The following CNTLN variants were observed in gnomAD, a reference collection of about 807,000 sequenced individuals.
CNTLN encodes centlein, centrosomal protein.
A neutral mutation model predicts 180.0 loss-of-function variants in CNTLN; 212 were observed. The observed-to-expected ratio is 1.18, with a 90% CI of 1.05 to 1.32. The LOEUF is 1.32. CNTLN is among the 40% of genes most tolerant of loss of function. CNTLN has a pLI of 0.00. For synonymous variants in CNTLN, 722 were observed against 563.1 expected (o/e 1.28, Z -3.99); for missense variants, 2,095 against 1,610.9 (o/e 1.30, Z -5.14).
intron 2 of CNTLN, among the ~76,000 whole-genome samples, chr9:17,174,171 T>G (rs1013124178): frequency 2.0e-5 from 3 of 152,188 alleles, no homozygotes; most frequent in African/African-American, 4.8e-5. Flanking sequence ...ATATCAGTAG[T>G]TCATTTATTT....
At chr9:17,249,289 C>G (rs1825985747) in intron 5 of CNTLN, among the ~76,000 whole-genome samples, 1 of 150,350 alleles carries the variant, frequency 6.7e-6, no homozygotes, top group South Asian at 2.1e-4. Context: ...AAATTCATCT[C>G]TAAATATTTT....
intron 2 of CNTLN, among the ~76,000 whole-genome samples, chr9:17,187,689 T>C (rs1039746048): frequency 3.3e-5 from 5 of 151,764 alleles, no homozygotes; most frequent in African/African-American, 1.2e-4. Context: ...TTTCACTTTA[T>C]GAATTTAACA....
At chr9:17,171,613 C>T (rs938107235) in intron 2 of CNTLN, among the ~76,000 whole-genome samples, 3 of 152,072 alleles carry the variant, frequency 2.0e-5, no homozygotes, top group Non-Finnish European at 2.9e-5. Context: ...CTGGGTCTAG[C>T]TTAGCACAGT....
rs767463842 is a variant in CNTLN, at chr9:17,340,961, G to A, written c.1766+13G>A. On this transcript the variant is annotated intron_variant, in intron 11 of 25. Coordinates refer to ENST00000380647, the MANE Select transcript of CNTLN (RefSeq NM_017738.4). ...AAGGCAGTGGCATGTGAGTTACATA[G>A]CTCATAAAGGCATTTCCCTAAATAT... 31 of 1,593,586 alleles carry A rather than the reference G, an allele frequency of 1.9e-5. No individual in the cohort carries two copies. The highest frequency in any genetic ancestry group is 2.6e-5 in the Non-Finnish European group (30 of 1,171,182).
chr9:17,393,661 T>C (rs1474218317), intron 14 of CNTLN, among the ~76,000 whole-genome samples: 1 of 152,194 alleles, frequency 6.6e-6, no homozygotes, highest in East Asian at 1.9e-4. Flanking sequence ...AGAGATCATG[T>C]TGATCATGTT....
At chr9:17,515,546 C>T in the CNTLN span, among the ~76,000 whole-genome samples, 1 of 152,142 alleles carries the variant, frequency 6.6e-6, no homozygotes, top group Non-Finnish European at 1.5e-5. Context: ...ATTTGTGCTG[C>T]ATTCCTATCA....
At chr9:17,259,676 A>G (rs11531707) in intron 5 of CNTLN, among the ~76,000 whole-genome samples, 1 of 150,318 alleles carries the variant, frequency 6.7e-6, no homozygotes, top group Non-Finnish European at 1.5e-5. Flanking sequence ...CTATTCAGAG[A>G]CTCAGCTTCT....
At chr9:17,256,303 C>G (rs1826483414) in intron 5 of CNTLN, among the ~76,000 whole-genome samples, 1 of 151,912 alleles carries the variant, frequency 6.6e-6, no homozygotes, top group African/African-American at 2.4e-5. Context: ...AATGGTAGTT[C>G]TATTTTTATT....
At chr9:17,514,964 A>T in the CNTLN span, among the ~76,000 whole-genome samples, 10 of 152,222 alleles carry the variant, frequency 6.6e-5, no homozygotes, top group Non-Finnish European at 4.4e-5. Context: ...AACTAGAAGG[A>T]ACCTGGGTCC....
chr9:17,217,462 G>C (rs924040463), intron 2 of CNTLN, among the ~76,000 whole-genome samples: 1 of 152,218 alleles, frequency 6.6e-6, no homozygotes, highest in Non-Finnish European at 1.5e-5. Flanking sequence ...TGGGAATTCA[G>C]CTGGTGTTGT....
At chr9:17,362,048 A>C (rs1034306925) in intron 12 of CNTLN, among the ~76,000 whole-genome samples, 1 of 152,244 alleles carries the variant, frequency 6.6e-6, no homozygotes, top group Middle Eastern at 3.2e-3. Context: ...GTTTGACTCA[A>C]GAACAAGGTG....
At chr9:17,465,230 T>A (rs7851369) in intron 21 of CNTLN, among the ~76,000 whole-genome samples, 4,930 of 150,566 alleles carry the variant, frequency 0.033, 227 homozygotes, top group African/African-American at 0.094. Flanking sequence ...TTTACTTTCC[T>A]TGTTGAAAAT....
At chr9:17,221,722 C>G (rs1017927773) in intron 2 of CNTLN, among the ~76,000 whole-genome samples, 1 of 151,954 alleles carries the variant, frequency 6.6e-6, no homozygotes, top group Admixed American at 6.6e-5. Flanking sequence ...CTATTTTTTC[C>G]TGGCCCGCTT....
At chr9:17,207,743 G>C (rs180714988) in intron 2 of CNTLN, among the ~76,000 whole-genome samples, 24 of 152,114 alleles carry the variant, frequency 1.6e-4, no homozygotes, top group Non-Finnish European at 3.2e-4. Flanking sequence ...CACCTTCTGC[G>C]TTGGTCTCGC....
chr9:17,438,267 T>A (rs931794752), intron 18 of CNTLN, among the ~76,000 whole-genome samples: 2 of 152,036 alleles, frequency 1.3e-5, no homozygotes, highest in Non-Finnish European at 2.9e-5. Flanking sequence ...AGCAACTAGA[T>A]AAATTATTGT....
chr9:17,240,758 C>T (rs1456697253), intron 5 of CNTLN, among the ~76,000 whole-genome samples: 4 of 152,154 alleles, frequency 2.6e-5, no homozygotes, highest in Non-Finnish European at 5.9e-5. Flanking sequence ...GATATGATCC[C>T]ATGTGTACAT....
At chr9:17,268,048 T>A (rs1211945350) in intron 5 of CNTLN, among the ~76,000 whole-genome samples, 1 of 152,210 alleles carries the variant, frequency 6.6e-6, no homozygotes, top group East Asian at 1.9e-4. Context: ...GTCAAAGTCA[T>A]TCTCCATCCA....
At chr9:17,341,240 A>C (rs1821459091) in intron 11 of CNTLN, among the ~76,000 whole-genome samples, 1 of 152,216 alleles carries the variant, frequency 6.6e-6, no homozygotes, top group African/African-American at 2.4e-5. Context: ...AATTTAAAGC[A>C]AAAATGGTTA....
chr9:17,213,967 C>T (rs956823513), intron 2 of CNTLN, among the ~76,000 whole-genome samples: 1 of 152,080 alleles, frequency 6.6e-6, no homozygotes, highest in East Asian at 1.9e-4. Flanking sequence ...TGATATGGGT[C>T]TTCTGAATAC....
Sources: allele counts gnomAD v4.1 joint callset (sites outside exome capture counted in the v4.1 genomes callset), GRCh38; gene constraint gnomAD v4.1.1; transcripts MANE v1.5; gene names NCBI Gene and HGNC (gene_info 2026-07-23, HGNC 2026-07-21).